TIMM23B: variants seen among roughly 807,000 people sequenced by gnomAD.
TIMM23B encodes the protein mitochondrial import inner membrane translocase subunit Tim23B.
TIMM23B carries 27 observed loss-of-function variants against 27.3 expected under a neutral mutation model. The observed-to-expected ratio is 0.99, with a 90% confidence interval of 0.73 to 1.36. The LOEUF (loss-of-function observed/expected upper bound fraction) is 1.36. Ranked by LOEUF, TIMM23B falls within the 40% of genes most tolerant of loss-of-function variation. The pLI, the probability that TIMM23B is intolerant of heterozygous loss-of-function variation, is 0.00. For missense variants in TIMM23B, 205 were observed against 244.2 expected, an observed-to-expected ratio of 0.84 and a Z score of 1.07; for synonymous variants, 73 against 92.4, an observed-to-expected ratio of 0.79 and a Z score of 1.21.
chr10:49,962,355 A>G (rs1839948526), intron 6 of TIMM23B, among the ~76,000 whole-genome samples: 1 of 151,976 alleles, frequency 6.6e-6, no homozygotes, highest in Non-Finnish European at 1.5e-5. Flanking sequence ...GATGCCCGCC[A>G]CCACGCCCAG....
At position 49,974,589 on chromosome 10, in the gene TIMM23B, ATATG is replaced by A. The variant is rs1840586330; in HGVS notation, c.*1531_*1534del. 1 of 151,488 alleles carries A rather than the reference ATATG, an allele frequency of 6.6e-6. No individual in the cohort carries two copies. The highest frequency in any genetic ancestry group is 1.5e-5 in the Non-Finnish European group (1 of 68,022). 9.4% of individuals were successfully genotyped at this position (151,488 alleles called of 1,614,324 possible). ...GTAATGTGTGTATATACAAATACCT[ATATG>A]TATGTGTGTACACATACAGCTGATA... On this transcript the variant is annotated 3_prime_UTR_variant, in exon 7 of 7. Coordinates refer to ENST00000651259, the MANE Select transcript of TIMM23B (RefSeq NM_001290117.2).
chr10:49,947,330 A>G (rs1342709264), intron 2 of TIMM23B, among the ~76,000 whole-genome samples: 1 of 152,224 alleles, frequency 6.6e-6, no homozygotes, highest in African/African-American at 2.4e-5. Context: ...AATGGAGGCC[A>G]GGTGCAGTGG....
intron 6 of TIMM23B, among the ~76,000 whole-genome samples, chr10:49,969,039 T>A (rs2132062967): frequency 6.6e-6 from 1 of 152,122 alleles, no homozygotes; most frequent in Middle Eastern, 3.4e-3. Flanking sequence ...TCTTTCCTTT[T>A]CTTAGAGCAG....
Position 49,942,142 on chromosome 10 carries a change from G to A in TIMM23B, c.-53G>A, listed in dbSNP as rs1463786795. 1.3e-6 allele frequency: 2 copies of A among 1,546,116 alleles called. No homozygotes were observed. Among genetic ancestry groups the A allele is most frequent in the Non-Finnish European group, 1.8e-6 (2 of 1,140,992 alleles). On this transcript the variant is annotated 5_prime_UTR_variant, in exon 1 of 7. Coordinates refer to ENST00000651259, the MANE Select transcript of TIMM23B (RefSeq NM_001290117.2). ...TGTTATTGAGGAGTAACGGCCCAGCGGACCACCCAGGCTTGAGGCAGCGGC... is the reference window on the plus strand; with the variant it reads ...TGTTATTGAGGAGTAACGGCCCAGCAGACCACCCAGGCTTGAGGCAGCGGC...
chr10:49,948,437 T>A (rs1839420692), intron 2 of TIMM23B, among the ~76,000 whole-genome samples: 1 of 152,180 alleles, frequency 6.6e-6, no homozygotes, highest in African/African-American at 2.4e-5. Context: ...GTAGCATTAT[T>A]CATAATAACC....
At chr10:49,969,614 G>C (rs1430505814) in intron 6 of TIMM23B, among the ~76,000 whole-genome samples, 4 of 151,500 alleles carry the variant, frequency 2.6e-5, no homozygotes, top group African/African-American at 9.7e-5. Flanking sequence ...GATCACTTGA[G>C]CTTGGGGAGG....
intron 5 of TIMM23B, among the ~76,000 whole-genome samples, 187 bp from the exon 6 acceptor site, chr10:49,958,183 C>T (rs1839787476): frequency 6.6e-6 from 1 of 152,164 alleles, no homozygotes; most frequent in Non-Finnish European, 1.5e-5. Flanking sequence ...ACCTTTGTCC[C>T]TCTGAAGCTG....
chr10:49,970,665 G>T (rs1424256355), intron 6 of TIMM23B, among the ~76,000 whole-genome samples: 1 of 133,278 alleles, frequency 7.5e-6, no homozygotes, highest in Non-Finnish European at 1.6e-5. Context: ...GGAGGGAGGT[G>T]GGGGGCAGCC....
At chr10:49,969,436 C>CAA (rs533041097) in intron 6 of TIMM23B, among the ~76,000 whole-genome samples, 35 of 74,706 alleles carry the variant, frequency 4.7e-4, no homozygotes, top group East Asian at 2.2e-3. Context: ...GACCCTGTGT[C>CAA]AAAAAAAAAA....
chr10:49,946,597 T>C (rs1378474622), intron 2 of TIMM23B, among the ~76,000 whole-genome samples: 1 of 151,624 alleles, frequency 6.6e-6, no homozygotes, highest in African/African-American at 2.4e-5. Context: ...TGATTACCAA[T>C]AACATCAAAA....
intron 5 of TIMM23B, among the ~76,000 whole-genome samples, chr10:49,956,668 A>C (rs1839736942): frequency 6.9e-6 from 1 of 145,844 alleles, no homozygotes. Flanking sequence ...TATTAGTGAA[A>C]ATGATTCTTC....
At chr10:49,967,357 C>G (rs1589049840) in intron 6 of TIMM23B, among the ~76,000 whole-genome samples, 1 of 152,362 alleles carries the variant, frequency 6.6e-6, no homozygotes, top group Admixed American at 6.5e-5. Context: ...ATTTCCAAAT[C>G]CATGAATCTG....
At chr10:49,972,100 T>C (rs1297789152) in intron 6 of TIMM23B, among the ~76,000 whole-genome samples, 1 of 152,232 alleles carries the variant, frequency 6.6e-6, no homozygotes, top group Non-Finnish European at 1.5e-5. Context: ...ATTACACATA[T>C]GTAATATAGT....
At chr10:49,964,631 T>A in intron 6 of TIMM23B, among the ~76,000 whole-genome samples, 2 of 131,936 alleles carry the variant, frequency 1.5e-5, no homozygotes, top group Admixed American at 8.1e-5. Context: ...AATGAAAAAA[T>A]GAAATAAATG....
rs1464028031 is a variant in TIMM23B, at chr10:49,952,581, T to C, written c.344+48T>C. The C allele has an allele frequency of 5.4e-5, 86 of 1,605,308 alleles. No individual in the cohort carries two copies. In the Admixed American group the frequency reaches 1.0e-3, roughly 19 times the overall value. On this transcript the variant is annotated intron_variant, in intron 4 of 6. Coordinates refer to ENST00000651259, the MANE Select transcript of TIMM23B (RefSeq NM_001290117.2). ...ATGTAGTGATACTTGAATATTAAGC[T>C]CTGTTGTATTGGTTTGATGAGTACA...
intron 5 of TIMM23B, among the ~76,000 whole-genome samples, chr10:49,957,078 C>G (rs1208583555): frequency 6.6e-6 from 1 of 151,004 alleles, no homozygotes; most frequent in Non-Finnish European, 1.5e-5. Context: ...AAAACTGAGC[C>G]CCACTTTGGA....
chr10:49,943,672 A>G (rs1390991402), intron 1 of TIMM23B, among the ~76,000 whole-genome samples: 24 of 148,888 alleles, frequency 1.6e-4, no homozygotes, highest in Non-Finnish European at 2.4e-4. Flanking sequence ...AATGAACACC[A>G]TTTACTGAGC....
At chr10:49,964,636 TAAATG>T (rs1480134625) in intron 6 of TIMM23B, among the ~76,000 whole-genome samples, 2 of 114,384 alleles carry the variant, frequency 1.7e-5, no homozygotes, top group African/African-American at 3.7e-5. Flanking sequence ...AAAAATGAAA[TAAATG>T]AAATGATGAA....
chr10:49,960,147 AG>A (rs1367742354), intron 6 of TIMM23B, among the ~76,000 whole-genome samples: 1 of 149,684 alleles, frequency 6.7e-6, no homozygotes, highest in Non-Finnish European at 1.5e-5. Flanking sequence ...TCCTGGGCTC[AG>A]GTGATCCATC....
Sources: allele counts gnomAD v4.1 joint callset (sites outside exome capture counted in the v4.1 genomes callset), GRCh38; gene constraint gnomAD v4.1.1; transcripts MANE v1.5; gene names NCBI Gene and HGNC (gene_info 2026-07-23, HGNC 2026-07-21).